CTNNA2: variants seen among roughly 807,000 people sequenced by gnomAD.
The protein encoded by CTNNA2 is catenin alpha 2.
CTNNA2 carries 42 observed loss-of-function variants against 101.0 expected under a neutral mutation model. The ratio of observed to expected loss-of-function variants is 0.42; its 90% CI spans 0.32 to 0.54. The LOEUF is 0.54. CTNNA2 is among the 20% of genes least tolerant of loss of function. CTNNA2 has a pLI of 0.14. For synonymous variants in CTNNA2, 450 were observed against 456.4 expected (o/e 0.99, Z 0.18); for missense variants, 871 against 1,223.1 (o/e 0.71, Z 4.29).
Position 80,289,415 on chromosome 2 carries a change from A to G in CTNNA2, c.1057-103796A>G, listed in dbSNP as rs145057281. 2.7e-4 allele frequency among the ~76,000 whole-genome samples: 41 copies of G among 152,244 alleles called. No individual in the cohort carries two copies. In the East Asian group the frequency reaches 6.8e-3, roughly 25 times the overall value. ...TCTCTACCCCAGTTCTCGCCTCTTTAGAGATAATTTTTATATTACTGATTT... is the reference window on the plus strand; with the variant it reads ...TCTCTACCCCAGTTCTCGCCTCTTTGGAGATAATTTTTATATTACTGATTT... On this transcript the variant is annotated intron_variant, in intron 7 of 18. Transcript: ENST00000402739.
chr2:80,422,544 T>G (rs1680626178), intron 9 of CTNNA2, among the ~76,000 whole-genome samples: 1 of 152,218 alleles, frequency 6.6e-6, no homozygotes, highest in Non-Finnish European at 1.5e-5. Flanking sequence ...GAAATTTCAG[T>G]TCTTTCCCAT....
chr2:80,043,206 C>CT (rs386390578), intron 7 of CTNNA2, among the ~76,000 whole-genome samples: 27,600 of 91,440 alleles, frequency 0.3, 6,884 homozygotes, highest in East Asian at 0.78. Context: ...TTCTCTCTCT[C>CT]TTTTTTTTTT....
intron 4 of CTNNA2, among the ~76,000 whole-genome samples, chr2:79,469,514 C>T (rs1213612052): frequency 6.6e-6 from 1 of 152,150 alleles, no homozygotes; most frequent in Admixed American, 6.5e-5. Context: ...AGGGAATTCT[C>T]CCTAACTCAT....
chr2:80,427,758 G>A (rs1220133898), intron 9 of CTNNA2, among the ~76,000 whole-genome samples: 1 of 152,172 alleles, frequency 6.6e-6, no homozygotes, highest in Non-Finnish European at 1.5e-5. Context: ...TCACCCTTGA[G>A]TAAATTGCTC....
chr2:80,232,989 A>G (rs1709344196), intron 7 of CTNNA2, among the ~76,000 whole-genome samples: 1 of 152,182 alleles, frequency 6.6e-6, no homozygotes, highest in Admixed American at 6.5e-5. Context: ...AGTGACCAAG[A>G]AAGATCAATT....
intron 7 of CTNNA2, among the ~76,000 whole-genome samples, chr2:79,970,786 G>A (rs532807051): frequency 8.6e-5 from 13 of 150,970 alleles, no homozygotes; most frequent in African/African-American, 1.5e-4. Context: ...AAAGCTAAAT[G>A]TGAAATCTAG....
At chr2:79,815,410 G>A (rs1677409554) in intron 3 of CTNNA2, among the ~76,000 whole-genome samples, 1 of 152,096 alleles carries the variant, frequency 6.6e-6, no homozygotes, top group Non-Finnish European at 1.5e-5. Flanking sequence ...TCACGACTTA[G>A]ATTTAAGCCC....
intron 3 of CTNNA2, among the ~76,000 whole-genome samples, chr2:79,349,808 T>A (rs568766250): frequency 9.2e-5 from 14 of 152,144 alleles, no homozygotes; most frequent in Non-Finnish European, 1.9e-4. Flanking sequence ...AGGAAGCCCA[T>A]TGAGGTGTGG....
intron 2 of CTNNA2, among the ~76,000 whole-genome samples, chr2:79,739,547 T>A (rs921600151): frequency 5.3e-5 from 8 of 152,212 alleles, no homozygotes; most frequent in African/African-American, 1.9e-4. Flanking sequence ...AGCATGCTGA[T>A]ATTTGCCTTT....
chr2:79,280,821 A>G (rs1314306249), intron 2 of CTNNA2, among the ~76,000 whole-genome samples: 1 of 151,932 alleles, frequency 6.6e-6, no homozygotes, highest in Non-Finnish European at 1.5e-5. Context: ...GAAGAAAGGA[A>G]AGTGCCTGGG....
chr2:80,157,492 A>G (rs1353695124), intron 7 of CTNNA2, among the ~76,000 whole-genome samples: 2 of 152,060 alleles, frequency 1.3e-5, no homozygotes, highest in Non-Finnish European at 2.9e-5. Flanking sequence ...AGATGTGTGT[A>G]TGTGTTGCAT....
intron 2 of CTNNA2, among the ~76,000 whole-genome samples, chr2:79,703,646 C>T (rs1219908092): frequency 6.6e-6 from 1 of 152,174 alleles, no homozygotes; most frequent in African/African-American, 2.4e-5. Flanking sequence ...TTGTTCTTCT[C>T]AGTTATTAAA....
At chr2:79,780,829 G>A (rs1460633638) in intron 3 of CTNNA2, among the ~76,000 whole-genome samples, 1 of 152,042 alleles carries the variant, frequency 6.6e-6, no homozygotes, top group African/African-American at 2.4e-5. Context: ...ATTTTTCTTT[G>A]TAAATATAAG....
At chr2:80,529,551 C>T (rs952556493) in intron 9 of CTNNA2, among the ~76,000 whole-genome samples, 3 of 152,088 alleles carry the variant, frequency 2.0e-5, no homozygotes, top group Non-Finnish European at 4.4e-5. Context: ...TTGTTCTCTC[C>T]CTTTCTCTAG....
intron 9 of CTNNA2, among the ~76,000 whole-genome samples, chr2:80,512,910 C>A (rs545186399): frequency 6.6e-6 from 1 of 151,996 alleles, no homozygotes; most frequent in African/African-American, 2.4e-5. Flanking sequence ...TGGCATCCAC[C>A]AAGAATCAAT....
intron 9 of CTNNA2, among the ~76,000 whole-genome samples, chr2:80,502,705 C>T (rs544514632): frequency 6.6e-6 from 1 of 152,280 alleles, no homozygotes; most frequent in South Asian, 2.1e-4. Flanking sequence ...CTGCATCTCT[C>T]AGCCAAAACC....
At chr2:80,136,270 C>T (rs1702690013) in intron 7 of CTNNA2, among the ~76,000 whole-genome samples, 1 of 152,120 alleles carries the variant, frequency 6.6e-6, no homozygotes, top group South Asian at 2.1e-4. Flanking sequence ...GGAAACTTTG[C>T]CAAAACCTGG....
At chr2:80,360,471 G>A (rs908655939) in intron 7 of CTNNA2, among the ~76,000 whole-genome samples, 1 of 152,062 alleles carries the variant, frequency 6.6e-6, no homozygotes, top group African/African-American at 2.4e-5. Flanking sequence ...TGAGAATTGT[G>A]CCTTATTTTG....
intron 7 of CTNNA2, among the ~76,000 whole-genome samples, chr2:79,919,165 C>A (rs981704881): frequency 6.6e-6 from 1 of 152,104 alleles, no homozygotes; most frequent in African/African-American, 2.4e-5. Flanking sequence ...GAGTGTCTGG[C>A]CTTTGCTGTT....
Sources: gnomAD v4.1 joint callset for allele counts (sites outside exome capture counted in the v4.1 genomes callset) on GRCh38, gnomAD v4.1.1 for gene constraint, MANE v1.5 for transcripts, NCBI Gene and HGNC (gene_info 2026-07-23, HGNC 2026-07-21) for gene names.